Variants in GPC5 observed in about 807,000 individuals in gnomAD.
GPC5 encodes the protein glypican 5, also known as glypican-5.
Under a neutral mutation model 53.9 loss-of-function variants are expected in GPC5, and 47 were observed. The ratio of observed to expected loss-of-function variants is 0.87; its 90% CI spans 0.69 to 1.11. The LOEUF (loss-of-function observed/expected upper bound fraction) is 1.11, where lower values mean the gene tolerates loss of function less well. GPC5 is among the 50% of genes most tolerant of loss of function. The probability of loss-of-function intolerance (pLI) is 0.00; values close to 1 mark genes in which losing one functional copy is unlikely to be tolerated. For missense variants in GPC5, 748 were observed against 713.1 expected (o/e 1.05, Z -0.56); for synonymous variants, 286 against 263.3 (o/e 1.09, Z -0.84).
intron 7 of GPC5, among the ~76,000 whole-genome samples, chr13:92,505,654 A>G (rs1566619453): frequency 6.6e-6 from 1 of 152,098 alleles, no homozygotes; most frequent in African/African-American, 2.4e-5. Context: ...AAACCTACAT[A>G]TGAATGTTTA....
At chr13:92,438,581 A>G (rs965167054) in intron 7 of GPC5, among the ~76,000 whole-genome samples, 41 of 152,122 alleles carry the variant, frequency 2.7e-4, no homozygotes, top group African/African-American at 6.3e-4. Flanking sequence ...TGTTTTAAAA[A>G]TGTAATCCTG....
intron 5 of GPC5, among the ~76,000 whole-genome samples, chr13:91,876,496 T>C (rs762506702): frequency 6.6e-6 from 1 of 152,170 alleles, no homozygotes; most frequent in Non-Finnish European, 1.5e-5. Context: ...TGTTATGTTA[T>C]AGTGAAGAAA....
intron 2 of GPC5, among the ~76,000 whole-genome samples, chr13:91,500,019 T>C (rs1884528666): frequency 6.6e-6 from 1 of 152,208 alleles, no homozygotes; most frequent in Admixed American, 6.6e-5. Flanking sequence ...CAGGAAACTC[T>C]TCTCTTAGGT....
chr13:91,610,642 A>T (rs2033519229), intron 2 of GPC5, among the ~76,000 whole-genome samples: 1 of 152,152 alleles, frequency 6.6e-6, no homozygotes, highest in East Asian at 1.9e-4. Flanking sequence ...TGTTTAGTTG[A>T]TTTCATTTAA....
intron 2 of GPC5, among the ~76,000 whole-genome samples, chr13:91,526,708 C>A (rs1003726195): frequency 1.2e-4 from 19 of 152,200 alleles, no homozygotes; most frequent in African/African-American, 4.3e-4. Context: ...TCCATTCTCA[C>A]ACTGTTATAA....
chr13:91,921,531 G>C (rs1292646999), intron 6 of GPC5, among the ~76,000 whole-genome samples: 1 of 152,102 alleles, frequency 6.6e-6, no homozygotes, highest in Non-Finnish European at 1.5e-5. Flanking sequence ...CAAATGGATA[G>C]ATACTATGAC....
chr13:91,709,902 A>G (rs141592820), intron 3 of GPC5, among the ~76,000 whole-genome samples: 33 of 152,244 alleles, frequency 2.2e-4, no homozygotes, highest in African/African-American at 7.9e-4. Context: ...CCTTCTTTGT[A>G]TCTGTCTGAA....
rs947714588 is a variant in GPC5 at position 92,401,988 on chromosome 13, T to G, written c.1561+256999T>G. 4.6e-5 allele frequency among the ~76,000 whole-genome samples: 7 copies of G among 152,212 alleles called. No individual in the cohort carries two copies. In the South Asian group the frequency reaches 1.5e-3, roughly 32 times the overall value. On this transcript the variant is annotated intron_variant, in intron 7 of 7. Coordinates refer to ENST00000377067, the MANE Select transcript of GPC5 (RefSeq NM_004466.6). ...ATGCTCTGTTTGCTAAAAGAAAAAG[T>G]TTTTAATAGTATTTAATTGCTTTTA... is the stretch of plus-strand genomic sequence containing the variant.
intron 7 of GPC5, among the ~76,000 whole-genome samples, chr13:92,569,791 CATT>C (rs1267790627): frequency 1.2e-4 from 18 of 152,272 alleles, no homozygotes; most frequent in Non-Finnish European, 1.5e-5. Flanking sequence ...TTCTAAGACA[CATT>C]AGTGTTTTAA....
chr13:92,781,829 C>T (rs1416363483), intron 7 of GPC5, among the ~76,000 whole-genome samples: 1 of 152,186 alleles, frequency 6.6e-6, no homozygotes, highest in Non-Finnish European at 1.5e-5. Flanking sequence ...GATCTTCAAG[C>T]TGTAGCATTA....
chr13:92,706,820 T>A (rs763616020), intron 7 of GPC5, among the ~76,000 whole-genome samples: 1 of 152,210 alleles, frequency 6.6e-6, no homozygotes, highest in Non-Finnish European at 1.5e-5. Context: ...GAATGAATGT[T>A]TGTGTCCCTG....
chr13:91,450,421 G>T (rs1881101384), intron 2 of GPC5, among the ~76,000 whole-genome samples: 1 of 152,148 alleles, frequency 6.6e-6, no homozygotes. Context: ...GCAGAATGGA[G>T]TTTGTGATAG....
chr13:92,802,192 C>G (rs911393414), intron 7 of GPC5, among the ~76,000 whole-genome samples: 2 of 151,652 alleles, frequency 1.3e-5, no homozygotes, highest in African/African-American at 4.8e-5. Context: ...AAATACTTAC[C>G]ATTGCGTTAC....
intron 7 of GPC5, among the ~76,000 whole-genome samples, chr13:92,191,181 G>C (rs896107970): frequency 6.6e-6 from 1 of 152,114 alleles, no homozygotes; most frequent in Non-Finnish European, 1.5e-5. Flanking sequence ...TCCTTCATGT[G>C]TATGTACCTA....
At chr13:92,087,936 CTT>C (rs796592368) in intron 6 of GPC5, among the ~76,000 whole-genome samples, 9 of 144,942 alleles carry the variant, frequency 6.2e-5, no homozygotes, top group Non-Finnish European at 1.2e-4. Context: ...CTTCCAACTA[CTT>C]TTTTTTTTTT....
intron 2 of GPC5, among the ~76,000 whole-genome samples, chr13:91,624,289 A>G (rs11842940): frequency 0.017 from 2,593 of 152,270 alleles, 39 homozygotes; most frequent in African/African-American, 0.036. Context: ...CAAAATGGTC[A>G]AAAGCACTTA....
intron 7 of GPC5, among the ~76,000 whole-genome samples, chr13:92,473,563 A>G (rs893351983): frequency 9.2e-5 from 14 of 152,148 alleles, no homozygotes. Context: ...TCAAATAGGA[A>G]ATGGCTAATT....
intron 2 of GPC5, among the ~76,000 whole-genome samples, chr13:91,471,228 A>G (rs1398038097): frequency 2.0e-5 from 3 of 151,742 alleles, no homozygotes; most frequent in Non-Finnish European, 4.4e-5. Context: ...TACATAAAAC[A>G]TTCCTGCTGT....
At chr13:92,380,050 C>T (rs1316924342) in intron 7 of GPC5, among the ~76,000 whole-genome samples, 1 of 152,200 alleles carries the variant, frequency 6.6e-6, no homozygotes, top group African/African-American at 2.4e-5. Flanking sequence ...TTATGCCAAC[C>T]TAATATTATC....
Sources: gnomAD v4.1 joint callset for allele counts (sites outside exome capture counted in the v4.1 genomes callset) on GRCh38, gnomAD v4.1.1 for gene constraint, MANE v1.5 for transcripts, NCBI Gene and HGNC (gene_info 2026-07-23, HGNC 2026-07-21) for gene names.